RHOBTB1: variants seen among roughly 807,000 people sequenced by gnomAD.
The protein encoded by RHOBTB1 is rho-related BTB domain-containing protein 1.
A neutral mutation model predicts 71.6 loss-of-function variants in RHOBTB1; 40 were observed. The ratio of observed to expected loss-of-function variants is 0.56; its 90% CI spans 0.43 to 0.73. RHOBTB1 has a LOEUF of 0.73. Among genes scored for constraint, RHOBTB1 ranks in the 30% least tolerant of loss-of-function variants. The pLI, the probability that RHOBTB1 is intolerant of heterozygous loss-of-function variation, is 0.00. For synonymous variants in RHOBTB1, 319 were observed against 334.9 expected, an observed-to-expected ratio of 0.95 and a Z score of 0.52; for missense variants, 797 against 894.0, an observed-to-expected ratio of 0.89 and a Z score of 1.38.
chr10:60,988,127 G>T (rs1447790379), intron 1 of RHOBTB1, among the ~76,000 whole-genome samples: 4 of 150,728 alleles, frequency 2.7e-5, no homozygotes, highest in Admixed American at 1.3e-4. Context: ...TTAGAGACGG[G>T]ATTTCACTGT....
At chr10:60,948,555 A>C (rs375288467), upstream of RHOBTB1, among the ~76,000 whole-genome samples, 16 of 152,196 alleles carry the variant, frequency 1.1e-4, no homozygotes, top group Middle Eastern at 6.3e-3. Context: ...CATGCTGTCC[A>C]TCTCTCTGCT....
At chr10:60,958,971 C>T (rs954679417) in intron 2 of RHOBTB1, among the ~76,000 whole-genome samples, 9 of 152,118 alleles carry the variant, frequency 5.9e-5, no homozygotes, top group African/African-American at 9.7e-5. Flanking sequence ...TTTTGGTAAA[C>T]TATTACTTTG....
intron 1 of RHOBTB1, among the ~76,000 whole-genome samples, chr10:60,998,975 G>A (rs1368834353): frequency 6.6e-6 from 1 of 152,144 alleles, no homozygotes; most frequent in Non-Finnish European, 1.5e-5. Context: ...TTTCTTTTCT[G>A]TGAAACACAG....
intron 4 of RHOBTB1, among the ~76,000 whole-genome samples, chr10:60,894,514 C>T (rs149837891): frequency 3.9e-5 from 6 of 152,224 alleles, no homozygotes; most frequent in African/African-American, 7.2e-5. Flanking sequence ...AAATATTCTG[C>T]GCTCAGTCTT....
intron 4 of RHOBTB1, among the ~76,000 whole-genome samples, chr10:60,909,178 G>A (rs1438603121): frequency 2.6e-5 from 4 of 151,860 alleles, no homozygotes; most frequent in African/African-American, 4.8e-5. Flanking sequence ...GAAGGCCATC[G>A]TGCCATTAAA....
Position 60,871,634 on chromosome 10 carries a change from C to T in RHOBTB1, c.1939G>A (p.Glu647Lys), listed in dbSNP as rs2080788971. ...SKSADNQEYFERHRWPPVWYL... is the reference protein window; with the variant it reads ...SKSADNQEYFKRHRWPPVWYL... ...CACACAGGGGGCCAGCGGTGCCGCT[C>T]GAAGTATTCCTGGTTGTCTGGTGAA... Residue 647 changes from glutamate (E) to lysine (K), a missense_variant, in exon 11 of 11, where the codon GAG becomes AAG. Physicochemically the swap from Glu to Lys is moderately conservative, Grantham distance 56 (BLOSUM62 1). Around this residue, in one of 2 missense-constraint regions of RHOBTB1, gnomAD observed 658 missense variants for 681.5 expected, o/e 0.97. Transcript: ENST00000337910. 10 of 1,613,688 alleles carry T rather than the reference C, an allele frequency of 6.2e-6. No homozygotes were observed. Among genetic ancestry groups the T allele is most frequent in the Non-Finnish European group, 7.6e-6 (9 of 1,179,916 alleles).
At position 60,888,620 on chromosome 10, in the gene RHOBTB1, T is replaced by C; in HGVS notation, c.1048A>G (p.Asn350Asp). 1.2e-6 allele frequency: 2 copies of C among 1,614,210 alleles called. No individual in the cohort carries two copies. Among genetic ancestry groups the C allele is most frequent in the Non-Finnish European group, 1.7e-6 (2 of 1,180,038 alleles). Residue 350 changes from asparagine (N) to aspartate (D), a missense_variant, in exon 6 of 11, where the codon AAC becomes GAC. Transcript: ENST00000337910. ...CCCAGAGCCTCCACCAGGCTCTTGT[T>C]TGAAGACTTCCACTGGTCGGCCTGA... ...IPQADQWKSSNKSLVEALGLE... is the reference protein window; with the variant it reads ...IPQADQWKSSDKSLVEALGLE...
chr10:60,923,413 T>C (rs1374983184), intron 2 of RHOBTB1, among the ~76,000 whole-genome samples: 1 of 152,200 alleles, frequency 6.6e-6, no homozygotes, highest in Non-Finnish European at 1.5e-5. Flanking sequence ...AAATGAAATA[T>C]AAGGTCACCA....
At chr10:60,938,056 G>T (rs958714995) in intron 2 of RHOBTB1, among the ~76,000 whole-genome samples, 5 of 152,148 alleles carry the variant, frequency 3.3e-5, no homozygotes, top group Admixed American at 3.3e-4. Context: ...AAAAAGCATC[G>T]AACAGATCAC....
intron 8 of RHOBTB1, among the ~76,000 whole-genome samples, chr10:60,877,463 T>C (rs927069156): frequency 6.5e-4 from 99 of 152,204 alleles, no homozygotes; most frequent in African/African-American, 2.3e-3. Context: ...ACCTGGTCAG[T>C]AAATGGTGGA....
chr10:60,870,984 C>T lies in RHOBTB1; in HGVS notation c.*498G>A, dbSNP rs1359018829. 1 of 152,648 alleles carries T rather than the reference C, an allele frequency of 6.6e-6. No individual in the cohort carries two copies. The highest frequency in any genetic ancestry group is 1.5e-5 in the Non-Finnish European group (1 of 68,132). The allele number at this position is 152,648 out of a possible 1,614,324, so 9.5% of individuals were successfully genotyped here. A position where few individuals can be genotyped will look rare whatever the true frequency, so the allele number is the denominator to read the frequency against. ...GATTTCAGTCCCCTCCTTCCTTTCACAACAAAAGGATAACCCTCTAATTAC... is the reference window on the plus strand; with the variant it reads ...GATTTCAGTCCCCTCCTTCCTTTCATAACAAAAGGATAACCCTCTAATTAC... On this transcript the variant is annotated 3_prime_UTR_variant, in exon 11 of 11. Coordinates refer to ENST00000337910, the MANE Select transcript of RHOBTB1 (RefSeq NM_014836.5).
chr10:60,963,648 T>C (rs1235632798), intron 2 of RHOBTB1, among the ~76,000 whole-genome samples: 2 of 152,170 alleles, frequency 1.3e-5, no homozygotes, highest in South Asian at 4.1e-4. Context: ...AGATCTGTGG[T>C]CCTCCAAAAG....
chr10:60,898,873 T>C (rs987916234), intron 4 of RHOBTB1, among the ~76,000 whole-genome samples: 2 of 152,180 alleles, frequency 1.3e-5, no homozygotes, highest in Admixed American at 1.3e-4. Flanking sequence ...TGCATGCTCT[T>C]AAGTGCAGGG....
At chr10:60,985,449 G>A (rs1275148996) in intron 2 of RHOBTB1, among the ~76,000 whole-genome samples, 2 of 152,306 alleles carry the variant, frequency 1.3e-5, no homozygotes, top group South Asian at 2.1e-4. Context: ...GAAATGCCAC[G>A]CACAGCAATC....
intron 2 of RHOBTB1, among the ~76,000 whole-genome samples, chr10:60,964,909 T>C (rs1202692606): frequency 3.9e-5 from 6 of 152,126 alleles, no homozygotes; most frequent in African/African-American, 7.2e-5. Context: ...TCCTACCTTA[T>C]AGGCAGAAAT....
intron 4 of RHOBTB1, among the ~76,000 whole-genome samples, chr10:60,895,325 T>C (rs2082108986): frequency 6.6e-6 from 1 of 152,252 alleles, no homozygotes; most frequent in Non-Finnish European, 1.5e-5. Context: ...GTCTTCTTTT[T>C]TTTCATATTC....
At chr10:60,984,151 C>T (rs1031179838) in intron 2 of RHOBTB1, among the ~76,000 whole-genome samples, 16 of 152,056 alleles carry the variant, frequency 1.1e-4, no homozygotes, top group Admixed American at 6.6e-5. Flanking sequence ...TTAATATGCA[C>T]GTACCTTGAA....
At chr10:60,914,184 A>C (rs1167831046) in intron 2 of RHOBTB1, among the ~76,000 whole-genome samples, 1 of 152,216 alleles carries the variant, frequency 6.6e-6, no homozygotes, top group Admixed American at 6.5e-5. Context: ...GAAGACAGAA[A>C]AAGTTTTGGG....
intron 1 of RHOBTB1, among the ~76,000 whole-genome samples, chr10:60,992,623 G>A (rs768351995): frequency 1.3e-5 from 2 of 152,100 alleles, no homozygotes; most frequent in African/African-American, 2.4e-5. Flanking sequence ...ATAAATAGGC[G>A]AAACTCAAAT....
Sources: gnomAD v4.1 joint callset for allele counts (sites outside exome capture counted in the v4.1 genomes callset) on GRCh38, gnomAD v4.1.1 for gene constraint, gnomAD v4.1.1 regional missense constraint, MANE v1.5 for transcripts, NCBI Gene and HGNC (gene_info 2026-07-23, HGNC 2026-07-21) for gene names.